HMCN2: variants seen among roughly 807,000 people sequenced by gnomAD.
HMCN2 encodes hemicentin-2.
In HMCN2, 325 loss-of-function variants were observed where a neutral mutation model predicts 377.5. That is an observed-to-expected ratio of 0.86 (90% CI 0.79 to 0.94). HMCN2 has a LOEUF of 0.94. HMCN2 is among the 40% of genes least tolerant of loss of function. The probability of loss-of-function intolerance (pLI) is 0.00; values close to 1 mark genes in which losing one functional copy is unlikely to be tolerated. For missense variants in HMCN2, 4,543 were observed against 4,725.3 expected (o/e 0.96, Z 1.13); for synonymous variants, 2,007 against 2,046.8 (o/e 0.98, Z 0.53).
intron 19 of HMCN2, among the ~76,000 whole-genome samples, chr9:130,323,077 G>A: frequency 6.6e-6 from 1 of 152,154 alleles, no homozygotes. Context: ...CACATGCCAG[G>A]CATCTGCTAG....
chr9:130,403,626 T>C (rs908719286), intron 79 of HMCN2, 115 bp from the exon 80 acceptor site: 2 of 1,119,512 alleles, frequency 1.8e-6, no homozygotes, highest in Middle Eastern at 2.8e-4. Context: ...CCCTTGGTCA[T>C]TCTGTGACCC....
intron 83 of HMCN2, 124 bp from the exon 84 acceptor site, chr9:130,408,619 T>G (rs892582611): frequency 2.1e-6 from 1 of 476,416 alleles, no homozygotes; most frequent in African/African-American, 2.0e-5. Flanking sequence ...ACAACCATGC[T>G]GTGCTAGCAG....
At chr9:130,283,612 C>G (rs1588169260) in intron 1 of HMCN2, among the ~76,000 whole-genome samples, 1 of 152,340 alleles carries the variant, frequency 6.6e-6, no homozygotes, top group Non-Finnish European at 1.5e-5. Flanking sequence ...CAGGCAACCT[C>G]TGTTCTGTTT....
intron 66 of HMCN2, among the ~76,000 whole-genome samples, chr9:130,392,688 C>T (rs1842378351): frequency 6.6e-6 from 1 of 152,052 alleles, no homozygotes; most frequent in South Asian, 2.1e-4. Context: ...CCTGGGGGCA[C>T]CGGGAACCCA....
Position 130,303,026 on chromosome 9 carries a change from G to A in HMCN2, c.1421+25G>A. On this transcript the variant is annotated intron_variant, in intron 9 of 97. Coordinates refer to ENST00000683500, the MANE Select transcript of HMCN2 (RefSeq NM_001291815.2). The surrounding 1 kb of genome is among the most constrained non-coding windows in gnomAD (Gnocchi z 5.2). ...AGTGAGTGGCCCACGGCAGCTGATTGTCCCCAGCCACAGGGCTCCTGGCTG... is the reference window on the plus strand; with the variant it reads ...AGTGAGTGGCCCACGGCAGCTGATTATCCCCAGCCACAGGGCTCCTGGCTG... 1 of 457,244 alleles carries A rather than the reference G, an allele frequency of 2.2e-6. No individual in the cohort carries two copies. 28.3% of individuals were successfully genotyped at this position (457,244 alleles called of 1,614,324 possible).
At chr9:130,389,093 G>A (rs528459140) in intron 62 of HMCN2, among the ~76,000 whole-genome samples, 1 of 152,186 alleles carries the variant, frequency 6.6e-6, no homozygotes, top group South Asian at 2.1e-4. Flanking sequence ...GGTACAGCTC[G>A]GAGCTGGTCC....
chr9:130,373,611 GGATGGA>G (rs1841175861), intron 48 of HMCN2, among the ~76,000 whole-genome samples: 1 of 87,514 alleles, frequency 1.1e-5, no homozygotes, highest in Admixed American at 1.1e-4. Flanking sequence ...GTGGGTGGAT[GGATGGA>G]TGGATGGATG....
intron 56 of HMCN2, among the ~76,000 whole-genome samples, 163 bp from the exon 57 acceptor site, chr9:130,383,341 C>T (rs893016873): frequency 4.6e-5 from 7 of 152,288 alleles, no homozygotes; most frequent in South Asian, 2.1e-4. Context: ...CGCTCCTGAG[C>T]GCCACACAAG....
intron 7 of HMCN2, among the ~76,000 whole-genome samples, chr9:130,297,623 A>G (rs1273743942): frequency 6.6e-6 from 1 of 152,218 alleles, no homozygotes; most frequent in Non-Finnish European, 1.5e-5. Flanking sequence ...AACAGTGACC[A>G]AAAATGGTGC....
intron 76 of HMCN2, among the ~76,000 whole-genome samples, chr9:130,399,900 T>C (rs1564856982): frequency 6.6e-6 from 1 of 151,944 alleles, no homozygotes; most frequent in African/African-American, 2.4e-5. Flanking sequence ...ATCACCCCCG[T>C]TAAAAATCCC....
rs536376541 is a variant in HMCN2 at position 130,427,321 on chromosome 9, G to A, written c.13888G>A (p.Glu4630Lys). 810 of 1,550,550 alleles carry A rather than the reference G, an allele frequency of 5.2e-4. 1 individual carries two copies. Among genetic ancestry groups the A allele is most frequent in the Non-Finnish European group, 6.4e-4 (732 of 1,146,990 alleles). Reference protein sequence around the residue: ...LATALQAEENEVGCPEGFELD... With the variant: ...LATALQAEENKVGCPEGFELD... ...TCCTCTTTGCTTTGCAGAGGAGAACGAGGTCGGCTGCCCCGAGGGCTTTGA... is the reference window on the plus strand; with the variant it reads ...TCCTCTTTGCTTTGCAGAGGAGAACAAGGTCGGCTGCCCCGAGGGCTTTGA... The change falls in exon 91 of 98, where the codon GAG becomes AAG. Residue 4630 changes from glutamate (E) to lysine (K), a missense_variant. Physicochemically the swap from Glu to Lys is moderately conservative, Grantham distance 56. Around this residue, in one of 5 missense-constraint regions of HMCN2, gnomAD observed 1,155 missense variants for 1,157.7 expected, o/e 1.00. Transcript: ENST00000683500.
In HMCN2 at chr9:130,351,806, A is replaced by G. The variant is rs559317599; in HGVS notation, c.4585+229A>G. On this transcript the variant is annotated intron_variant, in intron 30 of 97. Transcript: ENST00000683500. The surrounding 1 kb of genome is among the most constrained non-coding windows in gnomAD (Gnocchi z 5.4). ...CGTGGTTTCCATCCCAGCTCTAAAA[A>G]TTTACTACTTATGTTTTTTTTTTGA... 6.6e-6 allele frequency among the ~76,000 whole-genome samples: 1 copy of G among 151,814 alleles called. No homozygotes were observed. Among genetic ancestry groups the G allele is most frequent in the South Asian group, 2.1e-4 (1 of 4,798 alleles).
In HMCN2 at chr9:130,361,971, G is replaced by T. The variant is rs1324866035; in HGVS notation, c.5951-37G>T. The T allele has an allele frequency of 2.0e-6, 2 of 985,818 alleles. No individual in the cohort carries two copies. The highest frequency in any genetic ancestry group is 2.4e-6 in the Non-Finnish European group (2 of 829,866). 61.1% of individuals were successfully genotyped at this position (985,818 alleles called of 1,614,324 possible). A position where few individuals can be genotyped will look rare whatever the true frequency, so the allele number is the denominator to read the frequency against. Reference sequence around the variant, plus strand: ...GGCCCTGCCTGCTTTGCCCCAGTGGGGCTCAGCCTGTACCCCATGTCACCC... The same window carrying T: ...GGCCCTGCCTGCTTTGCCCCAGTGGTGCTCAGCCTGTACCCCATGTCACCC... On this transcript the variant is annotated intron_variant, in intron 38 of 97. Coordinates refer to ENST00000683500, the MANE Select transcript of HMCN2 (RefSeq NM_001291815.2). The surrounding 1 kb of genome is among the most constrained non-coding windows in gnomAD (Gnocchi z 4.8).
At chr9:130,390,827 G>A (rs1347810713) in intron 62 of HMCN2, 150 bp from the exon 63 acceptor site, 2 of 414,172 alleles carry the variant, frequency 4.8e-6, no homozygotes, top group African/African-American at 4.3e-5. Context: ...GCTGTCTCAA[G>A]TGGAAGGAAA....
intron 27 of HMCN2, 52 bp from the exon 28 acceptor site, chr9:130,348,932 G>A (rs753406782): frequency 4.7e-6 from 6 of 1,283,850 alleles, no homozygotes; most frequent in African/African-American, 1.5e-5. Flanking sequence ...CTGATGCTGG[G>A]GGTGGTGGCT....
chr9:130,413,712 A>G (rs1248950488), intron 85 of HMCN2, among the ~76,000 whole-genome samples: 11 of 152,312 alleles, frequency 7.2e-5, no homozygotes, highest in Middle Eastern at 3.4e-3. Flanking sequence ...TGGAACCACC[A>G]GTGGGCTCAG....
chr9:130,399,928 G>A (rs142463176), intron 76 of HMCN2, among the ~76,000 whole-genome samples: 2 of 152,124 alleles, frequency 1.3e-5, no homozygotes, highest in East Asian at 1.9e-4. Context: ...ACAGCTGCCC[G>A]CTGCCCCCAG....
In HMCN2 at chr9:130,391,242, C is replaced by G; in HGVS notation, c.9706C>G (p.His3236Asp). 1 of 987,772 alleles carries G rather than the reference C, an allele frequency of 1.0e-6. No homozygotes were observed. Among genetic ancestry groups the G allele is most frequent in the African/African-American group, 1.7e-5 (1 of 57,446 alleles). The allele number at this position is 987,772 out of a possible 1,614,324, so 61.2% of individuals were successfully genotyped here. Residue 3236 changes from histidine (H) to aspartate (D), a missense_variant, in exon 64 of 98, where the codon CAC becomes GAC. Transcript: ENST00000683500. ...CCGGAGCTCGGGCGTGGCGCGGGAG[C>G]ACCATGTCTTGGAAGGGCAGGAGGT... ...RIRSSGVARE[H>D]HVLEGQEVRL...
rs1217805169 is a variant in HMCN2, at chr9:130,428,743, G to T, written c.14197+254G>T. Among the ~76,000 whole-genome samples, 1 of 152,162 alleles carries T rather than the reference G, an allele frequency of 6.6e-6. No individual in the cohort carries two copies. Among genetic ancestry groups the T allele is most frequent in the African/African-American group, 2.4e-5 (1 of 41,426 alleles). On this transcript the variant is annotated intron_variant, in intron 93 of 97. Transcript: ENST00000683500. The surrounding 1 kb of genome is among the most constrained non-coding windows in gnomAD (Gnocchi z 5.0). The stretch of plus-strand genomic sequence containing the variant: ...CTTTCTGCACCTCAGCATCTTGTCT[G>T]CTTGATAAAGAGGGAGCCAGGTCAG...
Sources: allele counts gnomAD v4.1 joint callset (sites outside exome capture counted in the v4.1 genomes callset), GRCh38; gene constraint gnomAD v4.1.1; regional missense constraint gnomAD v4.1.1; non-coding constraint Gnocchi (gnomAD v3.1); transcripts MANE v1.5; gene names NCBI Gene and HGNC (gene_info 2026-07-23, HGNC 2026-07-21).